The following TOMM40 variants were observed in gnomAD, a reference collection of about 807,000 sequenced individuals.
TOMM40 encodes mitochondrial import receptor subunit TOM40 homolog.
TOMM40 carries 9 observed loss-of-function variants against 38.4 expected under a neutral mutation model. That is an observed-to-expected ratio of 0.23 (90% CI 0.14 to 0.41). TOMM40 has a LOEUF of 0.41. TOMM40 is among the 10% of genes least tolerant of loss of function. The pLI is 1.00. For synonymous variants in TOMM40, 184 were observed against 210.0 expected (o/e 0.88, Z 1.07); for missense variants, 299 against 486.5 (o/e 0.61, Z 3.63).
At chr19:44,894,238 ATGAGTGGG>A (rs1372065667) in intron 5 of TOMM40, among the ~76,000 whole-genome samples, 172 bp downstream of exon 5, 27 of 146,972 alleles carry the variant, frequency 1.8e-4, no homozygotes, top group South Asian at 6.5e-4. Flanking sequence ...CCCACTGACC[ATGAGTGGG>A]TGAGTCAGAG....
At chr19:44,897,164 C>T (rs1459670733) in intron 5 of TOMM40, among the ~76,000 whole-genome samples, 1 of 152,132 alleles carries the variant, frequency 6.6e-6, no homozygotes, top group African/African-American at 2.4e-5. Context: ...CCTCTGTCTG[C>T]TGTCTGTGAG....
In TOMM40 at chr19:44,903,432, C is replaced by G. The variant is rs535887759; in HGVS notation, c.*263C>G. 13 of 385,802 alleles carry G rather than the reference C, an allele frequency of 3.4e-5. No individual in the cohort carries two copies. Among genetic ancestry groups the G allele is most frequent in the Non-Finnish European group, 6.1e-5 (13 of 211,504 alleles). 23.9% of individuals were successfully genotyped at this position (385,802 alleles called of 1,614,324 possible). A position where few individuals can be genotyped will look rare whatever the true frequency, so the allele number is the denominator to read the frequency against. On this transcript the variant is annotated 3_prime_UTR_variant, in exon 9 of 9. Transcript: ENST00000426677. ...AGGGATTCCGGAATTGAGGGGCACG[C>G]AGGATTCTGAGCACCAGGGGCAGAG...
chr19:44,900,747 T>C lies in TOMM40; in HGVS notation c.661T>C (p.Tyr221His). The change falls in exon 6 of 9, where the codon TAC (tyrosine) becomes CAC (histidine). Residue 221 changes from tyrosine to histidine, a missense_variant. Physicochemically the swap from Tyr to His is moderately conservative, Grantham distance 83. Coordinates refer to ENST00000426677, the MANE Select transcript of TOMM40 (RefSeq NM_001128917.2). ...GCCCACAGGAATCCTCGTAGCCCAC[T>C]ACCTCCAGAGCATCACGCCTTGCCT... The part of the protein sequence containing the change: ...LVGSGILVAH[Y>H]LQSITPCLAL... 1.2e-6 allele frequency: 2 copies of C among 1,612,580 alleles called. No homozygotes were observed. The highest frequency in any genetic ancestry group is 1.7e-6 in the Non-Finnish European group (2 of 1,179,876).
At chr19:44,902,134 CT>C (rs1969695434) in intron 8 of TOMM40, 3 of 152,254 alleles carry the variant, frequency 2.0e-5, no homozygotes, top group South Asian at 4.2e-4. Context: ...TAAAAAAAAT[CT>C]GGTGGAGCAT....
At chr19:44,902,237 C>T (rs1468136190) in intron 8 of TOMM40, 1 of 152,280 alleles carries the variant, frequency 6.6e-6, no homozygotes, top group Non-Finnish European at 1.5e-5. Flanking sequence ...TGGTCTCCCT[C>T]TGTCGCCCAG....
At chr19:44,893,227 A>G (rs1384688061) in intron 3 of TOMM40, among the ~76,000 whole-genome samples, 2 of 152,124 alleles carry the variant, frequency 1.3e-5, no homozygotes, top group African/African-American at 4.8e-5. Flanking sequence ...GATCATGCAG[A>G]ACTTTGAATG....
intron 8 of TOMM40, 127 bp downstream of exon 8, chr19:44,901,437 G>C: frequency 3.4e-6 from 5 of 1,488,864 alleles, no homozygotes; most frequent in Non-Finnish European, 4.5e-6. Flanking sequence ...CATTACCAGG[G>C]AACACTTGTT....
At chr19:44,898,359 A>G (rs1339835535) in intron 5 of TOMM40, among the ~76,000 whole-genome samples, 1 of 151,818 alleles carries the variant, frequency 6.6e-6, no homozygotes, top group Non-Finnish European at 1.5e-5. Flanking sequence ...GTGTGCCCTC[A>G]GTCTCGTGGC....
intron 8 of TOMM40, 58 bp downstream of exon 8, chr19:44,901,368 G>GGAT: frequency 6.4e-7 from 1 of 1,569,652 alleles, no homozygotes; most frequent in Non-Finnish European, 8.6e-7. Flanking sequence ...AACTCTGAGT[G>GGAT]GATGTGTGGG....
intron 5 of TOMM40, among the ~76,000 whole-genome samples, chr19:44,895,794 G>A (rs540598740): frequency 1.3e-4 from 20 of 152,032 alleles, no homozygotes; most frequent in Admixed American, 5.2e-4. Flanking sequence ...TGATCCACCC[G>A]CCCCGGCCTC....
Position 44,903,379 on chromosome 19 carries a change from G to A in TOMM40, c.*210G>A. 2 of 535,046 alleles carry A rather than the reference G, an allele frequency of 3.7e-6. No individual in the cohort carries two copies. Among genetic ancestry groups the A allele is most frequent in the Non-Finnish European group, 6.4e-6 (2 of 312,072 alleles). 33.1% of individuals were successfully genotyped at this position (535,046 alleles called of 1,614,324 possible). On this transcript the variant is annotated 3_prime_UTR_variant, in exon 9 of 9. Transcript: ENST00000426677. The stretch of plus-strand genomic sequence containing the variant: ...TTCGGGATTCTGAGTAGCAGGGGCA[G>A]CATGCCCAGTGGGCCTGGGGTCCCG...
rs150816866 is a variant in TOMM40, at chr19:44,898,847, C to G, written c.644-1883C>G. ...GCCACCGTGCCCAGCCTCTTTTTTT[C>G]TTTAAAAATTTTTTAGGCCGGGCGC... On this transcript the variant is annotated intron_variant, in intron 5 of 8. Transcript: ENST00000426677. Among the ~76,000 whole-genome samples the G allele has an allele frequency of 8.5e-4, 128 of 151,080 alleles. 1 individual carries two copies. The East Asian group carries it at 0.024, about 29-fold the overall frequency.
chr19:44,892,526 C>G (rs1969486817), intron 2 of TOMM40, 66 bp downstream of exon 2: 1 of 1,456,098 alleles, frequency 6.9e-7, no homozygotes, highest in African/African-American at 1.4e-5. Flanking sequence ...TGCATCTGCA[C>G]ACTCGGCCCA....
At chr19:44,899,024 CG>C (rs965265123) in intron 5 of TOMM40, among the ~76,000 whole-genome samples, 1 of 148,334 alleles carries the variant, frequency 6.7e-6, no homozygotes, top group South Asian at 2.2e-4. Context: ...CCCAGCTACT[CG>C]GAGAGGCTGA....
Position 44,892,906 on chromosome 19 carries a change from A to G in TOMM40, c.412A>G (p.Thr138Ala). 6.2e-7 allele frequency: 1 copy of G among 1,613,930 alleles called. No individual in the cohort carries two copies. Residue 138 changes from threonine to alanine, a missense_variant, in exon 3 of 9, where the codon ACA (threonine) becomes GCA (alanine). By Grantham distance (58) the Thr-to-Ala change is moderately conservative. Coordinates refer to ENST00000426677, the MANE Select transcript of TOMM40 (RefSeq NM_001128917.2). ...CCACTTCGGGGTCACATATGTGGGGACAAAGCAGCTGAGTCCCACAGAGGT... is the reference window on the plus strand; with the variant it reads ...CCACTTCGGGGTCACATATGTGGGGGCAAAGCAGCTGAGTCCCACAGAGGT... The part of the protein sequence containing the change: ...NYHFGVTYVG[T>A]KQLSPTEAFP...
chr19:44,894,554 G>A (rs956765303), intron 5 of TOMM40, among the ~76,000 whole-genome samples: 3 of 152,052 alleles, frequency 2.0e-5, no homozygotes, highest in African/African-American at 7.2e-5. Flanking sequence ...GAGCCACCAC[G>A]CCCAGCCAGT....
At chr19:44,897,470 G>T (rs562546026) in intron 5 of TOMM40, among the ~76,000 whole-genome samples, 17 of 151,868 alleles carry the variant, frequency 1.1e-4, no homozygotes, top group Non-Finnish European at 1.9e-4. Flanking sequence ...ACATACCTCT[G>T]CCCTGAGACG....
At position 44,893,000 on chromosome 19, in the gene TOMM40, A is replaced by G. The variant is rs138280231; in HGVS notation, c.435+71A>G. 5.2e-3 allele frequency: 7,020 copies of G among 1,348,954 alleles called. 52 individuals are homozygous for G. The highest frequency in any genetic ancestry group is 7.9e-3 in the Middle Eastern group (43 of 5,448). The allele number at this position is 1,348,954 out of a possible 1,614,324, so 83.6% of individuals were successfully genotyped here. On this transcript the variant is annotated intron_variant, in intron 3 of 8. Transcript: ENST00000426677. ...ATTTGTAGCCAAATGTCAAGCTAAG[A>G]CGGCCTCATCAGGAAAAGGTCACAG... is the stretch of plus-strand genomic sequence containing the variant.
Position 44,892,834 on chromosome 19 carries a change from C to T in TOMM40, c.343-3C>T. The T allele has an allele frequency of 6.2e-7, 1 of 1,612,416 alleles. No individual in the cohort carries two copies. Among genetic ancestry groups the T allele is most frequent in the Non-Finnish European group, 8.5e-7 (1 of 1,178,726 alleles). On this transcript the variant is annotated splice_region_variant and splice_polypyrimidine_tract_variant and intron_variant, in intron 2 of 8. Transcript: ENST00000426677. ...ATCGTCACAGCTCTCGCTTTCCTTC[C>T]AGGTCAACCACACAGTAGCCCTCAG...
Sources: allele counts gnomAD v4.1 joint callset (sites outside exome capture counted in the v4.1 genomes callset), GRCh38; gene constraint gnomAD v4.1.1; transcripts MANE v1.5; gene names NCBI Gene and HGNC (gene_info 2026-07-23, HGNC 2026-07-21).